LNPEP: variants seen among roughly 807,000 people sequenced by gnomAD.
The protein encoded by LNPEP is leucyl and cystinyl aminopeptidase.
In LNPEP, 64 loss-of-function variants were observed where a neutral mutation model predicts 120.6. That is an observed-to-expected ratio of 0.53 (90% CI 0.43 to 0.65). The LOEUF is 0.65. Among genes scored for constraint, LNPEP ranks in the 30% least tolerant of loss-of-function variants. The probability of loss-of-function intolerance (pLI) is 0.00; values close to 1 mark genes in which losing one functional copy is unlikely to be tolerated. For missense variants in LNPEP, 1,057 were observed against 1,200.0 expected, an observed-to-expected ratio of 0.88 and a Z score of 1.76; for synonymous variants, 435 against 425.4, an observed-to-expected ratio of 1.02 and a Z score of -0.28.
chr5:97,016,825 GGCAAA>G (rs1791078910), intron 13 of LNPEP, among the ~76,000 whole-genome samples: 2 of 151,880 alleles, frequency 1.3e-5, no homozygotes, highest in Admixed American at 6.6e-5. Flanking sequence ...ATCTCTTTAG[GGCAAA>G]CTGGGAATCC....
intron 1 of LNPEP, among the ~76,000 whole-genome samples, chr5:96,962,166 T>A (rs911947690): frequency 2.6e-5 from 4 of 152,188 alleles, no homozygotes; most frequent in African/African-American, 9.7e-5. Context: ...CCCCCCAGCC[T>A]TCTCCAGAGG....
chr5:96,958,100 C>A (rs923986938), intron 1 of LNPEP, among the ~76,000 whole-genome samples: 11 of 152,190 alleles, frequency 7.2e-5, no homozygotes, highest in African/African-American at 2.4e-4. Context: ...GCCTTCAGGG[C>A]AAAGTAGAGA....
At chr5:97,027,530 G>A (rs951423912) in intron 16 of LNPEP, among the ~76,000 whole-genome samples, 10 of 152,144 alleles carry the variant, frequency 6.6e-5, no homozygotes, top group African/African-American at 2.4e-4. Context: ...TTGTCTGCAT[G>A]TTCTGAACTC....
chr5:96,971,566 T>C (rs1789863731), intron 1 of LNPEP, among the ~76,000 whole-genome samples: 1 of 152,056 alleles, frequency 6.6e-6, no homozygotes, highest in South Asian at 2.1e-4. Flanking sequence ...AGATCCCTGA[T>C]GCTGTGTTTA....
chr5:97,018,223 A>G (rs1391314958), intron 13 of LNPEP, among the ~76,000 whole-genome samples: 2 of 152,130 alleles, frequency 1.3e-5, no homozygotes, highest in African/African-American at 4.8e-5. Context: ...AGTTCTGAAT[A>G]TACCCTGTGA....
chr5:97,011,219 C>G (rs927224771), intron 11 of LNPEP: 1 of 983,654 alleles, frequency 1.0e-6, no homozygotes, highest in Admixed American at 6.2e-5. Flanking sequence ...GGGGTTGTTT[C>G]TTTTCTTTAC....
At chr5:96,991,797 C>T (rs1790394003) in intron 4 of LNPEP, among the ~76,000 whole-genome samples, 1 of 151,920 alleles carries the variant, frequency 6.6e-6, no homozygotes, top group Non-Finnish European at 1.5e-5. Flanking sequence ...GATGTCCTTT[C>T]CCCACTTTAT....
intron 1 of LNPEP, chr5:96,958,602 C>A: frequency 1.7e-6 from 1 of 605,282 alleles, no homozygotes; most frequent in Non-Finnish European, 2.1e-6. Flanking sequence ...AAGTTATTGG[C>A]AGGTCAGAAG....
At chr5:96,956,381 A>T (rs1789469982) in intron 1 of LNPEP, among the ~76,000 whole-genome samples, 1 of 152,278 alleles carries the variant, frequency 6.6e-6, no homozygotes, top group East Asian at 1.9e-4. Flanking sequence ...AGCCACGTGT[A>T]GTGGCGCACG....
chr5:97,013,970 G>A, intron 12 of LNPEP, 139 bp downstream of exon 12: 1 of 537,988 alleles, frequency 1.9e-6, no homozygotes, highest in South Asian at 4.3e-5. Context: ...GAAAATATGT[G>A]TTCTTTGCCT....
At chr5:97,010,914 T>G in intron 11 of LNPEP, 1 of 985,356 alleles carries the variant, frequency 1.0e-6, no homozygotes, top group South Asian at 4.7e-5. Context: ...AAGAGACTAA[T>G]GATGTTGATT....
At chr5:96,951,506 C>T (rs1211453888) in intron 1 of LNPEP, among the ~76,000 whole-genome samples, 1 of 152,092 alleles carries the variant, frequency 6.6e-6, no homozygotes, top group African/African-American at 2.4e-5. Context: ...GATCCACCCG[C>T]CTCGGCCTCC....
rs770447013 is a variant in LNPEP at position 96,979,917 on chromosome 5, A to G, written c.799A>G (p.Ile267Val). The change falls in exon 2 of 18, where the codon ATA becomes GTA. Residue 267 changes from isoleucine to valine, a missense_variant. By Grantham distance (29) the Ile-to-Val change is conservative. Coordinates refer to ENST00000231368, the MANE Select transcript of LNPEP (RefSeq NM_005575.3). ...YTLKIEYSAN[I>V]SSSYYGFYGF... is the part of the protein sequence containing the mutation. ...GTTGAAGATAGAGTACTCGGCAAAT[A>G]TATCTAGTTCTTATTATGGGTTTTA... 4.0e-5 allele frequency: 65 copies of G among 1,613,294 alleles called. 2 individuals are homozygous for G. The South Asian group carries it at 6.8e-4, about 17-fold the overall frequency.
At chr5:97,007,248 G>A (rs899264462) in intron 11 of LNPEP, among the ~76,000 whole-genome samples, 15 of 152,156 alleles carry the variant, frequency 9.9e-5, no homozygotes, top group African/African-American at 3.6e-4. Flanking sequence ...TGGATCTGGT[G>A]TCAAAGCCTA....
chr5:96,966,963 C>CT (rs1323319344), intron 1 of LNPEP, among the ~76,000 whole-genome samples: 1 of 152,072 alleles, frequency 6.6e-6, no homozygotes, highest in Non-Finnish European at 1.5e-5. Context: ...CTTGTTTTGC[C>CT]TTTAACACCA....
chr5:96,956,680 G>A (rs1037840503), intron 1 of LNPEP, among the ~76,000 whole-genome samples: 4 of 152,068 alleles, frequency 2.6e-5, no homozygotes, highest in African/African-American at 4.8e-5. Context: ...GTCTTTTACC[G>A]TATTTGTGAA....
intron 11 of LNPEP, chr5:97,010,642 T>G (rs1254561053): frequency 2.5e-5 from 25 of 985,060 alleles, no homozygotes; most frequent in Non-Finnish European, 2.8e-5. Context: ...CATTGACAAA[T>G]GGTTTTTAAA....
At chr5:96,937,393 C>CT (rs1182793325) in intron 1 of LNPEP, 1 of 152,190 alleles carries the variant, frequency 6.6e-6, no homozygotes, top group African/African-American at 2.4e-5. Flanking sequence ...ATTAGGCTTA[C>CT]TGATAACAAC....
At chr5:96,983,148 A>G (rs1790165358) in intron 2 of LNPEP, among the ~76,000 whole-genome samples, 1 of 152,228 alleles carries the variant, frequency 6.6e-6, no homozygotes, top group East Asian at 1.9e-4. Context: ...TGTGGTTAGT[A>G]AATTATAGAG....
Sources: gnomAD v4.1 joint callset for allele counts (sites outside exome capture counted in the v4.1 genomes callset) on GRCh38, gnomAD v4.1.1 for gene constraint, MANE v1.5 for transcripts, NCBI Gene and HGNC (gene_info 2026-07-23, HGNC 2026-07-21) for gene names.